Variants in PTCSC3 observed in about 807,000 individuals in gnomAD.
The protein encoded by PTCSC3 is papillary thyroid carcinoma susceptibility candidate 3.
chr14:36,142,559 C>A (rs1427912055), intron 3 of PTCSC3, among the ~76,000 whole-genome samples: 1 of 152,068 alleles, frequency 6.6e-6, no homozygotes, highest in Non-Finnish European at 1.5e-5. Flanking sequence ...GAATTGTTAT[C>A]ATTTCTTTCT....
In PTCSC3 at chr14:36,160,066, C is replaced by T. The variant is rs116309311; in HGVS notation, n.231+2558G>A. Among the ~76,000 whole-genome samples the T allele has an allele frequency of 2.8e-3, 424 of 151,958 alleles. 4 individuals carry two copies. Among genetic ancestry groups the T allele is most frequent in the African/African-American group, 9.6e-3 (399 of 41,492 alleles). On this transcript the variant is annotated intron_variant and non_coding_transcript_variant, in intron 2 of 3. Transcript: ENST00000556013. Reference sequence around the variant, plus strand: ...TGCAAGCCCTGCTTTTGTTTTTGCTCTCCATTTGCTTGGCAAATATTCCTC... The same window carrying T: ...TGCAAGCCCTGCTTTTGTTTTTGCTTTCCATTTGCTTGGCAAATATTCCTC...
rs796234073 is a variant in PTCSC3, at chr14:36,143,678, C to G, written n.323-7322G>C. ...TTTAGTTTAATTAGATCCCATTTGT[C>G]AATTTTGGCTTTTGTTGCCATTGCT... On this transcript the variant is annotated intron_variant and non_coding_transcript_variant, in intron 3 of 3. Transcript: ENST00000556013. Among the ~76,000 whole-genome samples the G allele has an allele frequency of 3.5e-3, 515 of 148,646 alleles. 10 individuals carry two copies. The East Asian group carries it at 0.077, about 22-fold the overall frequency.
At chr14:36,162,452 T>A (rs1881985117) in intron 2 of PTCSC3, among the ~76,000 whole-genome samples, 1 of 152,022 alleles carries the variant, frequency 6.6e-6, no homozygotes, top group South Asian at 2.1e-4. Context: ...CATGGCACAG[T>A]CCCTCTGGGC....
intron 3 of PTCSC3, among the ~76,000 whole-genome samples, chr14:36,140,525 T>G (rs934284514): frequency 2.0e-5 from 3 of 152,206 alleles, no homozygotes; most frequent in African/African-American, 7.2e-5. Flanking sequence ...AGGTTTTTTG[T>G]TTTAGTCGTT....
At chr14:36,158,665 C>T (rs1331574962) in intron 2 of PTCSC3, among the ~76,000 whole-genome samples, 1 of 152,148 alleles carries the variant, frequency 6.6e-6, no homozygotes, top group African/African-American at 2.4e-5. Context: ...CAGTGTTTTA[C>T]TGAGGATTTT....
intron 3 of PTCSC3, among the ~76,000 whole-genome samples, chr14:36,148,567 A>G (rs1017818391): frequency 2.0e-5 from 3 of 152,010 alleles, no homozygotes; most frequent in African/African-American, 7.3e-5. Flanking sequence ...ACTGTCTGGC[A>G]CTCCCTAGTG....
chr14:36,155,387 C>G (rs1881806137), intron 2 of PTCSC3, among the ~76,000 whole-genome samples: 1 of 152,104 alleles, frequency 6.6e-6, no homozygotes, highest in Non-Finnish European at 1.5e-5. Flanking sequence ...GTATAAGTAG[C>G]TGGTTGCTAC....
intron 3 of PTCSC3, among the ~76,000 whole-genome samples, chr14:36,150,918 T>C (rs1881706768): frequency 1.4e-5 from 2 of 145,564 alleles, no homozygotes; most frequent in South Asian, 2.3e-4. Context: ...TTACATAAGA[T>C]ATGAATAAGA....
intron 3 of PTCSC3, among the ~76,000 whole-genome samples, chr14:36,153,430 T>C (rs1881765583): frequency 6.6e-6 from 1 of 152,128 alleles, no homozygotes; most frequent in Admixed American, 6.5e-5. Flanking sequence ...GAATGGCAAA[T>C]TTAGAAATCA....
At chr14:36,173,635 C>T (rs1882228570) in intron 1 of PTCSC3, among the ~76,000 whole-genome samples, 1 of 146,960 alleles carries the variant, frequency 6.8e-6, no homozygotes, top group South Asian at 2.2e-4. Context: ...CAGCACAGTC[C>T]TGAAGACGTT....
In PTCSC3 at chr14:36,147,455, C is replaced by T. The variant is rs543298053; in HGVS notation, n.322+6349G>A. On this transcript the variant is annotated intron_variant and non_coding_transcript_variant, in intron 3 of 3. Transcript: ENST00000556013. Reference sequence around the variant, plus strand: ...TACCCTTTCTTCCAGTTGATCGCATCGGCTCCTGAGGCTTCTGCATTCTTC... The same window carrying T: ...TACCCTTTCTTCCAGTTGATCGCATTGGCTCCTGAGGCTTCTGCATTCTTC... Among the ~76,000 whole-genome samples the T allele has an allele frequency of 5.0e-3, 762 of 152,262 alleles. 3 individuals carry two copies. The highest frequency in any genetic ancestry group is 7.5e-3 in the Non-Finnish European group (507 of 68,022).
intron 2 of PTCSC3, among the ~76,000 whole-genome samples, chr14:36,155,080 G>C (rs1356296354): frequency 6.6e-6 from 1 of 152,036 alleles, no homozygotes; most frequent in African/African-American, 2.4e-5. Context: ...TCAGGAAAAA[G>C]GCACAACTTC....
At chr14:36,168,502 T>C (rs1882137978) in intron 1 of PTCSC3, among the ~76,000 whole-genome samples, 2 of 151,806 alleles carry the variant, frequency 1.3e-5, no homozygotes, top group African/African-American at 4.8e-5. Context: ...CTAGTTATGC[T>C]GTCTACTGTA....
intron 3 of PTCSC3, among the ~76,000 whole-genome samples, chr14:36,150,566 CT>C (rs1881698390): frequency 6.6e-6 from 1 of 152,178 alleles, no homozygotes; most frequent in African/African-American, 2.4e-5. Flanking sequence ...AGTTGAATAC[CT>C]GCCACATTTT....
At chr14:36,149,567 G>A (rs1251398762) in intron 3 of PTCSC3, among the ~76,000 whole-genome samples, 1 of 152,240 alleles carries the variant, frequency 6.6e-6, no homozygotes, top group African/African-American at 2.4e-5. Context: ...GTGCATTACA[G>A]ATAAAATCTC....
At chr14:36,164,926 G>T (rs1227439022) in intron 1 of PTCSC3, among the ~76,000 whole-genome samples, 1 of 152,194 alleles carries the variant, frequency 6.6e-6, no homozygotes. Flanking sequence ...TTAATGTCAA[G>T]TTAATGTCAT....
intron 3 of PTCSC3, among the ~76,000 whole-genome samples, chr14:36,139,679 T>TA (rs1881374747): frequency 6.6e-6 from 1 of 152,212 alleles, no homozygotes; most frequent in Admixed American, 6.5e-5. Context: ...ATTAATAGGC[T>TA]ATATTTTAGA....
chr14:36,165,529 T>C (rs1882068721), intron 1 of PTCSC3, among the ~76,000 whole-genome samples: 1 of 151,872 alleles, frequency 6.6e-6, no homozygotes, highest in African/African-American at 2.4e-5. Flanking sequence ...ATAAATCCCT[T>C]GTTTGCAATC....
chr14:36,137,365 C>T (rs1041827929), intron 3 of PTCSC3, among the ~76,000 whole-genome samples: 2 of 152,012 alleles, frequency 1.3e-5, no homozygotes, highest in Non-Finnish European at 1.5e-5. Context: ...GGTCTTGCAG[C>T]TTATGTAAGA....
Sources: gnomAD v4.1 joint callset for allele counts (sites outside exome capture counted in the v4.1 genomes callset) on GRCh38, gnomAD v4.1.1 for gene constraint, MANE v1.5 for transcripts, NCBI Gene and HGNC (gene_info 2026-07-23, HGNC 2026-07-21) for gene names.